The following SLC67A1 variants were observed in gnomAD, a reference collection of about 807,000 sequenced individuals.
SLC67A1 encodes the protein solute carrier family 67 member A1.
the SLC67A1 span, chr11:2,899,759 C>G: frequency 7.0e-7 from 1 of 1,433,974 alleles, no homozygotes; most frequent in Non-Finnish European, 9.1e-7. Context: ...TCTGCTCAAC[C>G]AGTTCCCTGG....
At chr11:2,915,987 C>T in the SLC67A1 span, among the ~76,000 whole-genome samples, 1 of 152,236 alleles carries the variant, frequency 6.6e-6, no homozygotes, top group Admixed American at 6.5e-5. Context: ...TTGGTAGTGG[C>T]CCAGGAAGGT....
chr11:2,903,494 G>C, the SLC67A1 span: 9 of 1,613,136 alleles, frequency 5.6e-6, no homozygotes, highest in Non-Finnish European at 7.6e-6. Flanking sequence ...GTGCCAGTGA[G>C]TAACACACCC....
At chr11:2,900,466 G>A in the SLC67A1 span, among the ~76,000 whole-genome samples, 5 of 152,032 alleles carry the variant, frequency 3.3e-5, no homozygotes, top group Admixed American at 6.6e-5. Context: ...GCCGAGGGGG[G>A]GCGGATCACG....
the SLC67A1 span, among the ~76,000 whole-genome samples, chr11:2,901,872 C>A: frequency 6.6e-6 from 1 of 152,248 alleles, no homozygotes; most frequent in East Asian, 1.9e-4. Flanking sequence ...TCCCCTAACC[C>A]CTCACCACCA....
At chr11:2,915,280 CGTGTGT>C in the SLC67A1 span, 4 of 927,862 alleles carry the variant, frequency 4.3e-6, no homozygotes, top group Non-Finnish European at 5.1e-6. Flanking sequence ...CAAGTTTGCC[CGTGTGT>C]GTGTGTGTGT....
chr11:2,900,132 C>T, the SLC67A1 span, among the ~76,000 whole-genome samples: 3 of 151,790 alleles, frequency 2.0e-5, no homozygotes, highest in East Asian at 1.9e-4. Flanking sequence ...CCTGGGCTCT[C>T]GGCTTGACTG....
the SLC67A1 span, chr11:2,908,273 G>C: frequency 6.2e-7 from 1 of 1,613,906 alleles, no homozygotes; most frequent in East Asian, 2.2e-5. Context: ...ATTGCCTTCG[G>C]CTACCTGCAA....
the SLC67A1 span, among the ~76,000 whole-genome samples, chr11:2,922,742 C>T: frequency 6.6e-6 from 1 of 151,676 alleles, no homozygotes; most frequent in African/African-American, 2.4e-5. Context: ...AGGTGGGGAG[C>T]CTGGGTCTTG....
the SLC67A1 span, among the ~76,000 whole-genome samples, chr11:2,911,658 C>T: frequency 2.0e-5 from 3 of 152,276 alleles, no homozygotes; most frequent in East Asian, 5.8e-4. Flanking sequence ...CCTTCCTCAC[C>T]TATGAAATGG....
At chr11:2,909,986 A>C in the SLC67A1 span, among the ~76,000 whole-genome samples, 1 of 152,042 alleles carries the variant, frequency 6.6e-6, no homozygotes, top group Non-Finnish European at 1.5e-5. Flanking sequence ...GACGCTGGGG[A>C]AACTGAGGCC....
chr11:2,905,086 G>A, the SLC67A1 span, among the ~76,000 whole-genome samples: 1 of 152,214 alleles, frequency 6.6e-6, no homozygotes. Context: ...GAGCCCAGTT[G>A]GGGACGGGTT....
the SLC67A1 span, chr11:2,925,177 A>G: frequency 1.2e-6 from 2 of 1,613,490 alleles, no homozygotes; most frequent in South Asian, 1.1e-5. The surrounding 1 kb of genome is among the most constrained non-coding windows in gnomAD (Gnocchi z 6.5). Context: ...TATGCCCCAG[A>G]GGAAGGACAA....
At chr11:2,917,820 G>A in the SLC67A1 span, among the ~76,000 whole-genome samples, 75,110 of 152,148 alleles carry the variant, frequency 0.49, 19,159 homozygotes, top group Non-Finnish European at 0.55. Context: ...TGGCAGCTGG[G>A]AGCATCACCA....
chr11:2,914,593 C>A, the SLC67A1 span: 1 of 526,118 alleles, frequency 1.9e-6, no homozygotes, highest in South Asian at 8.2e-5. Flanking sequence ...CCTCCAGGGT[C>A]CCCCAGCCCC....
the SLC67A1 span, chr11:2,918,196 A>C: frequency 1.2e-4 from 103 of 854,020 alleles, no homozygotes; most frequent in Non-Finnish European, 1.7e-4. Flanking sequence ...ACAGGTCCAC[A>C]CAGATGTGGT....
At chr11:2,914,553 G>A in the SLC67A1 span, 3 of 200,440 alleles carry the variant, frequency 1.5e-5, no homozygotes, top group African/African-American at 7.1e-5. Context: ...CTGGCACAGT[G>A]GTGGGACCTG....
At chr11:2,911,854 A>T in the SLC67A1 span, among the ~76,000 whole-genome samples, 1 of 152,068 alleles carries the variant, frequency 6.6e-6, no homozygotes, top group African/African-American at 2.4e-5. Context: ...GACCCAGAAG[A>T]CACCACTCAT....
chr11:2,924,094 C>A, the SLC67A1 span, among the ~76,000 whole-genome samples: 3 of 152,332 alleles, frequency 2.0e-5, no homozygotes, highest in Non-Finnish European at 1.5e-5. The surrounding 1 kb of genome is among the most constrained non-coding windows in gnomAD (Gnocchi z 8.6). Flanking sequence ...GGGGTCCTCC[C>A]GCTTGGCGAG....
the SLC67A1 span, among the ~76,000 whole-genome samples, chr11:2,907,809 G>A: frequency 2.6e-5 from 4 of 152,244 alleles, no homozygotes; most frequent in Non-Finnish European, 4.4e-5. The surrounding 1 kb of genome is among the most constrained non-coding windows in gnomAD (Gnocchi z 6.7). Context: ...GGGCCTCACA[G>A]AGCAGACTGT....
Sources: allele counts gnomAD v4.1 joint callset (sites outside exome capture counted in the v4.1 genomes callset), GRCh38; gene constraint gnomAD v4.1.1; non-coding constraint Gnocchi (gnomAD v3.1); transcripts MANE v1.5; gene names NCBI Gene and HGNC (gene_info 2026-07-23, HGNC 2026-07-21).